Variants in PALLD observed in about 807,000 individuals in gnomAD.
PALLD encodes palladin, cytoskeletal associated protein.
Under a neutral mutation model 123.5 loss-of-function variants are expected in PALLD, and 61 were observed. That is an observed-to-expected ratio of 0.49 (90% CI 0.40 to 0.61). The LOEUF (loss-of-function observed/expected upper bound fraction) is 0.61, where lower values mean the gene tolerates loss of function less well. Among genes scored for constraint, PALLD ranks in the 20% least tolerant of loss-of-function variants. The pLI, the probability that PALLD is intolerant of heterozygous loss-of-function variation, is 0.00. For synonymous variants in PALLD, 465 were observed against 496.4 expected, an observed-to-expected ratio of 0.94 and a Z score of 0.84; for missense variants, 1,273 against 1,377.0, an observed-to-expected ratio of 0.92 and a Z score of 1.20.
At chr4:168,541,683 C>G (rs1476863230) in intron 2 of PALLD, among the ~76,000 whole-genome samples, 1 of 152,080 alleles carries the variant, frequency 6.6e-6, no homozygotes, top group Non-Finnish European at 1.5e-5. Context: ...AAACTCCTGA[C>G]CTCCAGTGAT....
chr4:168,763,416 G>A (rs1733223255), intron 10 of PALLD, among the ~76,000 whole-genome samples: 3 of 152,166 alleles, frequency 2.0e-5, no homozygotes, highest in African/African-American at 7.2e-5. Context: ...TTCCACCTGT[G>A]AGGAAACAGG....
At chr4:168,809,949 TAGA>T (rs2150733521) in intron 10 of PALLD, among the ~76,000 whole-genome samples, 1 of 151,426 alleles carries the variant, frequency 6.6e-6, no homozygotes, top group East Asian at 1.9e-4. Flanking sequence ...GAAGTGTTAA[TAGA>T]AGGAGGGTGG....
chr4:168,553,265 G>A (rs1032899796), intron 2 of PALLD, among the ~76,000 whole-genome samples: 2 of 152,148 alleles, frequency 1.3e-5, no homozygotes, highest in Non-Finnish European at 1.5e-5. Context: ...AAACGACTGT[G>A]AGGAGGGCAA....
At chr4:168,875,669 T>C (rs1170273482) in intron 10 of PALLD, among the ~76,000 whole-genome samples, 1 of 152,234 alleles carries the variant, frequency 6.6e-6, no homozygotes, top group Non-Finnish European at 1.5e-5. Flanking sequence ...GCTACGTTAA[T>C]AATTTCTTAA....
intron 17 of PALLD, among the ~76,000 whole-genome samples, chr4:168,919,941 T>C (rs1474284032): frequency 2.6e-5 from 4 of 152,142 alleles, no homozygotes; most frequent in Admixed American, 2.6e-4. Context: ...AACTATCCAC[T>C]GGGTAGGTTC....
chr4:168,646,095 C>T (rs1404387338), intron 2 of PALLD, among the ~76,000 whole-genome samples: 2 of 152,158 alleles, frequency 1.3e-5, no homozygotes, highest in Non-Finnish European at 2.9e-5. Flanking sequence ...CTCCTGGCTG[C>T]TGTTCAAGGG....
intron 10 of PALLD, among the ~76,000 whole-genome samples, chr4:168,813,113 G>GT (rs397806432): frequency 4.6e-5 from 7 of 151,302 alleles, no homozygotes; most frequent in Non-Finnish European, 8.8e-5. Flanking sequence ...TTTGGGGGGG[G>GT]CGGAAATGAA....
At chr4:168,716,348 G>C (rs1264082218) in intron 10 of PALLD, among the ~76,000 whole-genome samples, 1 of 152,182 alleles carries the variant, frequency 6.6e-6, no homozygotes, top group Non-Finnish European at 1.5e-5. Flanking sequence ...GCATTACCGT[G>C]AAAGTCTGTG....
chr4:168,576,099 T>A (rs1294480976), intron 2 of PALLD, among the ~76,000 whole-genome samples: 1 of 152,164 alleles, frequency 6.6e-6, no homozygotes, highest in Non-Finnish European at 1.5e-5. Context: ...TATTAAAGAA[T>A]ATATTTTTTA....
intron 2 of PALLD, among the ~76,000 whole-genome samples, chr4:168,530,919 T>G (rs1050499158): frequency 1.3e-5 from 2 of 152,222 alleles, no homozygotes; most frequent in African/African-American, 4.8e-5. Flanking sequence ...TTCTTTTCCC[T>G]CTAATAAACA....
intron 3 of PALLD, among the ~76,000 whole-genome samples, chr4:168,671,263 A>G (rs951871914): frequency 1.3e-5 from 2 of 152,208 alleles, no homozygotes; most frequent in Non-Finnish European, 1.5e-5. Flanking sequence ...TCTTCTGTGT[A>G]AAAGCCTCTG....
At chr4:168,563,721 T>A (rs1440481383) in intron 2 of PALLD, among the ~76,000 whole-genome samples, 3 of 152,218 alleles carry the variant, frequency 2.0e-5, no homozygotes, top group African/African-American at 7.2e-5. Context: ...TGATGTGAGT[T>A]ACAAGCTAAG....
At chr4:168,598,760 T>C in intron 2 of PALLD, 1 of 403,000 alleles carries the variant, frequency 2.5e-6, no homozygotes, top group Non-Finnish European at 5.1e-6. Flanking sequence ...GCTAACTTTC[T>C]TGATTCACAC....
intron 15 of PALLD, among the ~76,000 whole-genome samples, chr4:168,905,314 AT>A (rs569538938): frequency 0.017 from 2,513 of 149,490 alleles, 61 homozygotes; most frequent in African/African-American, 0.043. Context: ...TGCCCGGCTA[AT>A]TTTTTTTTAT....
intron 10 of PALLD, among the ~76,000 whole-genome samples, chr4:168,828,758 G>GC (rs1349497042): frequency 1.3e-5 from 2 of 152,238 alleles, no homozygotes; most frequent in Non-Finnish European, 2.9e-5. Flanking sequence ...CATGTTTGAA[G>GC]CCTTAGGCCT....
chr4:168,914,123 T>G (rs1759621664), intron 16 of PALLD, 102 bp downstream of exon 16: 1 of 783,664 alleles, frequency 1.3e-6, no homozygotes, highest in African/African-American at 1.7e-5. Flanking sequence ...TAAACATAAC[T>G]GGAAGATAGA....
chr4:168,602,413 A>G (rs1244972152), intron 2 of PALLD, among the ~76,000 whole-genome samples: 19 of 152,212 alleles, frequency 1.2e-4, no homozygotes, highest in Non-Finnish European at 1.5e-5. Flanking sequence ...CTGCCAAAAG[A>G]GAAATGTGTT....
chr4:168,510,443 T>A (rs2149423604), intron 1 of PALLD, among the ~76,000 whole-genome samples: 1 of 152,236 alleles, frequency 6.6e-6, no homozygotes, highest in Admixed American at 6.5e-5. Context: ...ATTATTAACA[T>A]ATTATTTGTT....
chr4:168,512,967 T>C (rs1262883523), intron 2 of PALLD, among the ~76,000 whole-genome samples: 2 of 151,882 alleles, frequency 1.3e-5, no homozygotes, highest in Non-Finnish European at 2.9e-5. Context: ...CTAATCTCAT[T>C]ACCTGGGTGA....
Sources: gnomAD v4.1 joint callset for allele counts (sites outside exome capture counted in the v4.1 genomes callset) on GRCh38, gnomAD v4.1.1 for gene constraint, MANE v1.5 for transcripts, NCBI Gene and HGNC (gene_info 2026-07-23, HGNC 2026-07-21) for gene names.